The following SYF2 variants were observed in gnomAD, a reference collection of about 807,000 sequenced individuals.
SYF2 encodes pre-mRNA-splicing factor SYF2.
A neutral mutation model predicts 32.7 loss-of-function variants in SYF2; 21 were observed. The ratio of observed to expected loss-of-function variants is 0.64; its 90% confidence interval spans 0.45 to 0.92. The LOEUF (loss-of-function observed/expected upper bound fraction) is 0.92. Ranked by LOEUF, SYF2 falls within the 40% of genes least tolerant of loss-of-function variation. SYF2 has a pLI of 0.00. For missense variants in SYF2, 278 were observed against 296.5 expected, an observed-to-expected ratio of 0.94 and a Z score of 0.46; for synonymous variants, 114 against 103.9, an observed-to-expected ratio of 1.10 and a Z score of -0.59.
intron 3 of SYF2, 35 bp from the exon 4 acceptor site, chr1:25,228,270 T>C (rs1465171989): frequency 4.0e-6 from 6 of 1,492,604 alleles, no homozygotes; most frequent in Admixed American, 1.8e-5. Flanking sequence ...CCTACAATTA[T>C]GATACATGCA....
intron 5 of SYF2, 44 bp from the exon 6 acceptor site, chr1:25,225,144 T>C: frequency 7.7e-7 from 1 of 1,293,162 alleles, no homozygotes; most frequent in Non-Finnish European, 1.1e-6. Context: ...CTATAAATGC[T>C]CCATTTTCAA....
intron 6 of SYF2, among the ~76,000 whole-genome samples, chr1:25,223,824 G>C (rs1018301921): frequency 6.6e-5 from 10 of 151,946 alleles, no homozygotes; most frequent in Non-Finnish European, 1.2e-4. Flanking sequence ...ACCAGGGCCT[G>C]GACAACATAG....
rs74060742 is a variant in SYF2, at chr1:25,231,918, T to A, written c.132+186A>T. 2.8e-3 allele frequency: 1,915 copies of A among 687,914 alleles called. 27 individuals are homozygous for A. In the African/African-American group the frequency reaches 0.028, roughly 10 times the overall value. 42.6% of individuals were successfully genotyped at this position (687,914 alleles called of 1,614,324 possible). A position where few individuals can be genotyped will look rare whatever the true frequency, so the allele number is the denominator to read the frequency against. On this transcript the variant is annotated intron_variant, in intron 2 of 6. Transcript: ENST00000236273. ...AGGGGCTGGAGTGAACAGTTATATT[T>A]TCAAATGTTCTCAGAATGATCCCAA...
intron 2 of SYF2, chr1:25,231,403 T>C (rs996435317): frequency 2.0e-5 from 3 of 152,258 alleles, no homozygotes; most frequent in African/African-American, 7.2e-5. Flanking sequence ...ATTCTCTTTC[T>C]TTGAATTTGT....
chr1:25,230,081 G>A (rs991189588), intron 2 of SYF2, among the ~76,000 whole-genome samples: 2 of 152,154 alleles, frequency 1.3e-5, no homozygotes, highest in African/African-American at 4.8e-5. Context: ...ACCTCCCAAA[G>A]TGCTGGGATT....
rs141690598 is a variant in SYF2 at position 25,223,326 on chromosome 1, T to C, written c.672A>G (p.Arg224=). 135 of 1,613,982 alleles carry C rather than the reference T, an allele frequency of 8.4e-5. No homozygotes were observed. The African/African-American group carries it at 1.4e-3, about 17-fold the overall frequency. The part of the protein sequence containing the change: ...RNAKFNKKAE[R]FYGKYTAEIK... ...TTTCAGCTGTGTATTTCCCATAGAA[T>C]CTTTCAGCTTTCTTGTTGAATTTGG... is the stretch of plus-strand genomic sequence containing the variant. The change falls in exon 7 of 7, where the codon AGA becomes AGG. Residue 224 remains arginine, a synonymous_variant. Transcript: ENST00000236273.
intron 5 of SYF2, among the ~76,000 whole-genome samples, chr1:25,225,998 A>C (rs1638503861): frequency 1.3e-5 from 2 of 151,738 alleles, no homozygotes; most frequent in African/African-American, 4.9e-5. Flanking sequence ...TCTACTAAAA[A>C]TACAAAAAAA....
intron 2 of SYF2, 29 bp from the exon 3 acceptor site, chr1:25,229,152 G>A (rs779608483): frequency 1.2e-6 from 2 of 1,603,172 alleles, no homozygotes; most frequent in Non-Finnish European, 1.7e-6. Flanking sequence ...AAGTCTGTCA[G>A]CTAAAACATG....
intron 6 of SYF2, among the ~76,000 whole-genome samples, chr1:25,224,403 G>A (rs1025408646): frequency 6.6e-6 from 1 of 151,950 alleles, no homozygotes; most frequent in Non-Finnish European, 1.5e-5. Context: ...CTACAGGCAC[G>A]TACCACCATG....
At chr1:25,229,452 G>A (rs903896891) in intron 2 of SYF2, among the ~76,000 whole-genome samples, 1 of 152,096 alleles carries the variant, frequency 6.6e-6, no homozygotes, top group Non-Finnish European at 1.5e-5. Flanking sequence ...CCATACTATA[G>A]TGGCACTTAA....
chr1:25,225,199 C>A, intron 5 of SYF2, 99 bp from the exon 6 acceptor site: 1 of 782,052 alleles, frequency 1.3e-6, no homozygotes, highest in Non-Finnish European at 2.2e-6. Flanking sequence ...TATACACATA[C>A]ATTTACTGTG....
chr1:25,231,896 G>A (rs535394681), intron 2 of SYF2: 3 of 641,534 alleles, frequency 4.7e-6, no homozygotes, highest in South Asian at 3.5e-5. Flanking sequence ...GTGGGAGAGG[G>A]GCTGGAGTGA....
rs764789090 is a variant in SYF2, at chr1:25,229,134, A to G, written c.133-11T>C. The G allele has an allele frequency of 6.2e-7, 1 of 1,609,628 alleles. No homozygotes were observed. Among genetic ancestry groups the G allele is most frequent in the South Asian group, 1.1e-5 (1 of 89,886 alleles). On this transcript the variant is annotated splice_polypyrimidine_tract_variant and intron_variant, in intron 2 of 6. Coordinates refer to ENST00000236273, the MANE Select transcript of SYF2 (RefSeq NM_015484.5). ...TTTACGAGCTTCATTCTAAAACCGT[A>G]ACACAAGAAGTCTGTCAGCTAAAAC...
chr1:25,229,143 AG>A lies in SYF2; in HGVS notation c.133-21del. On this transcript the variant is annotated intron_variant, in intron 2 of 6. Coordinates refer to ENST00000236273, the MANE Select transcript of SYF2 (RefSeq NM_015484.5). ...TTCATTCTAAAACCGTAACACAAGA[AG>A]TCTGTCAGCTAAAACATGAAAATAA... 3 of 1,607,390 alleles carry A rather than the reference AG, an allele frequency of 1.9e-6. No homozygotes were observed. The highest frequency in any genetic ancestry group is 2.5e-6 in the Non-Finnish European group (3 of 1,177,902).
At chr1:25,225,180 A>T (rs1420522593) in intron 5 of SYF2, 80 bp from the exon 6 acceptor site, 25 of 894,318 alleles carry the variant, frequency 2.8e-5, no homozygotes, top group Non-Finnish European at 4.3e-5. Flanking sequence ...ACCATACATG[A>T]TAAGAAAGTA....
chr1:25,229,190 CTTT>C, intron 2 of SYF2, 67 bp from the exon 3 acceptor site: 1 of 1,565,212 alleles, frequency 6.4e-7, no homozygotes, highest in East Asian at 2.2e-5. Flanking sequence ...ACCTTGCCTT[CTTT>C]GAGGAGGGTC....
intron 5 of SYF2, among the ~76,000 whole-genome samples, chr1:25,225,523 G>A (rs527263492): frequency 2.0e-5 from 3 of 149,726 alleles, no homozygotes; most frequent in East Asian, 2.0e-4. Flanking sequence ...GTAAGACTCC[G>A]TCTCAAAAAA....
chr1:25,227,364 T>C, intron 5 of SYF2, 78 bp downstream of exon 5: 1 of 1,144,004 alleles, frequency 8.7e-7, no homozygotes, highest in South Asian at 1.4e-5. Context: ...CATTAAAGCA[T>C]GTTTCTATTT....
In SYF2 at chr1:25,229,771, T is replaced by C. The variant is rs571091618; in HGVS notation, c.133-648A>G. ...GCCTGGGTGACAGAGCGAGACTCCA[T>C]CTCAAAAAAAAAAAAAAAAATTACG... On this transcript the variant is annotated intron_variant, in intron 2 of 6. Coordinates refer to ENST00000236273, the MANE Select transcript of SYF2 (RefSeq NM_015484.5). 1.8e-3 allele frequency among the ~76,000 whole-genome samples: 249 copies of C among 140,908 alleles called. 1 individual carries two copies. The highest frequency in any genetic ancestry group is 6.0e-3 in the African/African-American group (233 of 38,696). 92.4% of individuals were successfully genotyped at this position (140,908 alleles called of 152,430 possible). A position where few individuals can be genotyped will look rare whatever the true frequency, so the allele number is the denominator to read the frequency against.
Sources: allele counts gnomAD v4.1 joint callset (sites outside exome capture counted in the v4.1 genomes callset), GRCh38; gene constraint gnomAD v4.1.1; transcripts MANE v1.5; gene names NCBI Gene and HGNC (gene_info 2026-07-23, HGNC 2026-07-21).